RIMS1: variants seen among roughly 807,000 people sequenced by gnomAD.
RIMS1 encodes the protein regulating synaptic membrane exocytosis protein 1.
RIMS1 carries 83 observed loss-of-function variants against 214.1 expected under a neutral mutation model. The ratio of observed to expected loss-of-function variants is 0.39; its 90% CI spans 0.32 to 0.47. The LOEUF (loss-of-function observed/expected upper bound fraction) is 0.47, where lower values mean the gene tolerates loss of function less well. Among genes scored for constraint, RIMS1 ranks in the 20% least tolerant of loss-of-function variants. The probability of loss-of-function intolerance (pLI) is 0.99; values close to 1 mark genes in which losing one functional copy is unlikely to be tolerated. For synonymous variants in RIMS1, 793 were observed against 786.8 expected (o/e 1.01, Z -0.13); for missense variants, 2,050 against 2,161.8 (o/e 0.95, Z 1.03).
intron 2 of RIMS1, among the ~76,000 whole-genome samples, chr6:71,986,209 A>G (rs1228881124): frequency 7.4e-6 from 1 of 136,030 alleles, no homozygotes; most frequent in South Asian, 2.3e-4. Flanking sequence ...TTTTTTTTTT[A>G]ATGTTTCACC....
At chr6:72,330,718 C>T (rs976290771) in intron 28 of RIMS1, among the ~76,000 whole-genome samples, 2 of 151,612 alleles carry the variant, frequency 1.3e-5, no homozygotes, top group Admixed American at 6.6e-5. Context: ...GAAACAGAAG[C>T]AGAACAAATG....
chr6:71,967,102 G>T (rs1461558377), intron 1 of RIMS1, among the ~76,000 whole-genome samples: 1 of 152,176 alleles, frequency 6.6e-6, no homozygotes, highest in Non-Finnish European at 1.5e-5. Flanking sequence ...GATTAAAAAT[G>T]CTGCGGCCAG....
At chr6:71,953,737 C>G (rs180801306) in intron 1 of RIMS1, among the ~76,000 whole-genome samples, 1 of 152,188 alleles carries the variant, frequency 6.6e-6, no homozygotes, top group South Asian at 2.1e-4. Flanking sequence ...AGCTGACTCT[C>G]CAGGATTCTC....
chr6:71,906,452 C>T (rs1775281096), intron 1 of RIMS1, among the ~76,000 whole-genome samples: 1 of 152,010 alleles, frequency 6.6e-6, no homozygotes, highest in Non-Finnish European at 1.5e-5. Flanking sequence ...CCCTACTTTA[C>T]AGAAAAGAAA....
At chr6:72,064,272 C>T (rs551414117) in intron 2 of RIMS1, among the ~76,000 whole-genome samples, 49 of 151,280 alleles carry the variant, frequency 3.2e-4, no homozygotes, top group Admixed American at 7.2e-4. Flanking sequence ...GAGCTGAGAT[C>T]GTGCCATTGC....
chr6:72,214,589 A>G (rs2054919387), intron 6 of RIMS1, among the ~76,000 whole-genome samples: 1 of 152,202 alleles, frequency 6.6e-6, no homozygotes, highest in South Asian at 2.1e-4. Context: ...AATAAACAAG[A>G]GAAAAGAAAT....
chr6:72,295,486 A>G (rs886886990), intron 26 of RIMS1, among the ~76,000 whole-genome samples: 4 of 151,844 alleles, frequency 2.6e-5, no homozygotes, highest in African/African-American at 9.7e-5. Flanking sequence ...TCATTTTATC[A>G]TATGAGCCTT....
chr6:72,149,304 G>A (rs2043183743), intron 4 of RIMS1, among the ~76,000 whole-genome samples: 1 of 152,086 alleles, frequency 6.6e-6, no homozygotes, highest in South Asian at 2.1e-4. Context: ...CACAATCCAT[G>A]AAAGAAAGAA....
At chr6:71,931,518 C>T (rs59315277) in intron 1 of RIMS1, among the ~76,000 whole-genome samples, 13 of 152,012 alleles carry the variant, frequency 8.6e-5, no homozygotes, top group East Asian at 7.7e-4. Context: ...CAACATGCCA[C>T]GGATTTTTTC....
At chr6:71,935,810 C>G (rs527285010) in intron 1 of RIMS1, among the ~76,000 whole-genome samples, 1 of 152,290 alleles carries the variant, frequency 6.6e-6, no homozygotes, top group Non-Finnish European at 1.5e-5. Flanking sequence ...TTCAAAATCT[C>G]CCTCTCATGA....
At chr6:72,359,581 T>G (rs1241757152) in intron 29 of RIMS1, among the ~76,000 whole-genome samples, 1 of 152,140 alleles carries the variant, frequency 6.6e-6, no homozygotes, top group Non-Finnish European at 1.5e-5. Flanking sequence ...CACACTATAA[T>G]ATAAATAGCA....
intron 1 of RIMS1, among the ~76,000 whole-genome samples, chr6:71,959,168 C>G (rs1242182156): frequency 6.6e-6 from 1 of 152,002 alleles, no homozygotes; most frequent in African/African-American, 2.4e-5. Flanking sequence ...AAAGTAAAAG[C>G]CCAGGTAATA....
At chr6:72,302,266 A>G (rs34925332) in intron 26 of RIMS1, among the ~76,000 whole-genome samples, 29,480 of 151,446 alleles carry the variant, frequency 0.19, 3,555 homozygotes, top group Non-Finnish European at 0.27. Context: ...ATGCTTATCC[A>G]TATAAACAAT....
Position 72,291,946 on chromosome 6 carries a change from G to A in RIMS1, c.3750G>A (p.Gln1250=). The A allele has an allele frequency of 6.4e-7, 1 of 1,559,216 alleles. No homozygotes were observed. The highest frequency in any genetic ancestry group is 8.7e-7 in the Non-Finnish European group (1 of 1,151,584). The change falls in exon 26 of 34, where the codon CAG becomes CAA. Residue 1250 remains glutamine (Q), a synonymous_variant. Coordinates refer to ENST00000521978, the MANE Select transcript of RIMS1 (RefSeq NM_014989.7). ...TTTTTGCCTGCAGAATGCACCGACA[G>A]AGAAGTCCAACACAATCTCCTCCAG... ...PSPLLTRMHR[Q]RSPTQSPPAD...
intron 19 of RIMS1, chr6:72,264,140 C>A: frequency 2.6e-6 from 1 of 391,908 alleles, no homozygotes; most frequent in Non-Finnish European, 3.5e-6. Flanking sequence ...TGTTTATTCC[C>A]TTCCCTCTTG....
chr6:72,210,867 G>C (rs553818009), intron 6 of RIMS1, among the ~76,000 whole-genome samples: 2 of 152,252 alleles, frequency 1.3e-5, no homozygotes, highest in East Asian at 3.9e-4. Flanking sequence ...TTGATACTCA[G>C]AATTTTTGTT....
chr6:72,315,874 C>T (rs1348830533), intron 28 of RIMS1, among the ~76,000 whole-genome samples: 2 of 152,102 alleles, frequency 1.3e-5, no homozygotes, highest in African/African-American at 4.8e-5. Flanking sequence ...ATATTCCCTG[C>T]CCTTATAGGT....
chr6:72,134,581 C>G (rs1037936069), intron 4 of RIMS1, among the ~76,000 whole-genome samples: 2 of 152,090 alleles, frequency 1.3e-5, no homozygotes, highest in African/African-American at 4.8e-5. Context: ...TGTAACTACA[C>G]TGAGTCTCAG....
chr6:72,186,301 A>G (rs933779688), intron 6 of RIMS1, among the ~76,000 whole-genome samples: 8 of 152,246 alleles, frequency 5.3e-5, no homozygotes, highest in Non-Finnish European at 1.0e-4. Context: ...TTCATACTCC[A>G]AAAGTTGTGG....
Sources: allele counts gnomAD v4.1 joint callset (sites outside exome capture counted in the v4.1 genomes callset), GRCh38; gene constraint gnomAD v4.1.1; transcripts MANE v1.5; gene names NCBI Gene and HGNC (gene_info 2026-07-23, HGNC 2026-07-21).